CLIP2: variants seen among roughly 807,000 people sequenced by gnomAD.
The protein encoded by CLIP2 is CAP-Gly domain containing linker protein 2.
In CLIP2, 41 loss-of-function variants were observed where a neutral mutation model predicts 111.7. The ratio of observed to expected loss-of-function variants is 0.37; its 90% CI spans 0.29 to 0.48. The LOEUF is 0.48. Ranked by LOEUF, CLIP2 falls within the 20% of genes least tolerant of loss-of-function variation. The probability of loss-of-function intolerance (pLI) is 0.99; values close to 1 mark genes in which losing one functional copy is unlikely to be tolerated. For missense variants in CLIP2, 1,160 were observed against 1,422.1 expected, an observed-to-expected ratio of 0.82 and a Z score of 2.96; for synonymous variants, 660 against 644.2, an observed-to-expected ratio of 1.02 and a Z score of -0.37.
At chr7:74,359,488 G>A (rs1554309294) in intron 6 of CLIP2, among the ~76,000 whole-genome samples, 2 of 151,356 alleles carry the variant, frequency 1.3e-5, no homozygotes, top group African/African-American at 4.8e-5. Flanking sequence ...CAAGTAGCTG[G>A]GACTACAGGA....
Position 74,306,677 on chromosome 7 carries a change from G to A in CLIP2, c.-67-10803G>A, listed in dbSNP as rs111834475. ...GGCATCGGAGGGTGGCACAAAAGGGGGACTGTTGGTCTGAATGCCACCCCG... is the reference window on the plus strand; with the variant it reads ...GGCATCGGAGGGTGGCACAAAAGGGAGACTGTTGGTCTGAATGCCACCCCG... On this transcript the variant is annotated intron_variant, in intron 1 of 16. Transcript: ENST00000223398. 6.7e-3 allele frequency among the ~76,000 whole-genome samples: 1,015 copies of A among 152,280 alleles called. 8 individuals are homozygous for A. The highest frequency in any genetic ancestry group is 0.023 in the African/African-American group (945 of 41,550).
intron 3 of CLIP2, among the ~76,000 whole-genome samples, chr7:74,339,658 T>C (rs1243467656): frequency 6.6e-6 from 1 of 152,168 alleles, no homozygotes; most frequent in Non-Finnish European, 1.5e-5. Context: ...CATTAAAACG[T>C]ATCACTCATT....
Position 74,338,477 on chromosome 7 carries a change from CCCT to C in CLIP2, c.160_162del (p.Ser54del), listed in dbSNP as rs782124701. The C allele has an allele frequency of 1.4e-4, 222 of 1,612,724 alleles. No homozygotes were observed. The African/African-American group carries it at 2.7e-3, about 20-fold the overall frequency. On this transcript the variant is annotated inframe_deletion, in exon 3 of 17. Transcript: ENST00000223398. The surrounding 1 kb of genome is among the most constrained non-coding windows in gnomAD (Gnocchi z 4.3). ...CCCACTGCACAAACAGTCATCTGGA[CCCT>C]CCTCCTCCCCGGCCGCAGCTGCTGC...
intron 8 of CLIP2, among the ~76,000 whole-genome samples, chr7:74,369,854 C>CAG (rs1790558886): frequency 2.1e-4 from 2 of 9,504 alleles, no homozygotes; most frequent in Non-Finnish European, 4.2e-4. Flanking sequence ...GACTCTGCCT[C>CAG]AAAAAAAAAA....
intron 1 of CLIP2, among the ~76,000 whole-genome samples, chr7:74,291,264 CT>C (rs1788009647): frequency 6.6e-6 from 1 of 152,104 alleles, no homozygotes; most frequent in African/African-American, 2.4e-5. Flanking sequence ...CCACACACAC[CT>C]GTGTGCACCT....
chr7:74,344,179 T>G (rs1789740515), intron 3 of CLIP2, among the ~76,000 whole-genome samples: 1 of 152,182 alleles, frequency 6.6e-6, no homozygotes, highest in Non-Finnish European at 1.5e-5. Context: ...TGACCATCTC[T>G]GGGTGTGGTG....
intron 5 of CLIP2, 134 bp downstream of exon 5, chr7:74,356,757 T>C: frequency 1.3e-6 from 1 of 796,856 alleles, no homozygotes; most frequent in Non-Finnish European, 2.0e-6. Flanking sequence ...AAGAAGAAAG[T>C]GCATATCTTT....
At chr7:74,372,401 T>TGGC (rs797027650) in intron 8 of CLIP2, among the ~76,000 whole-genome samples, 1 of 13,414 alleles carries the variant, frequency 7.5e-5, no homozygotes, top group Non-Finnish European at 1.4e-4. Context: ...AGCACAGGCC[T>TGGC]TGGGGGGGGG....
chr7:74,375,845 G>A, intron 9 of CLIP2, 42 bp from the exon 10 acceptor site: 1 of 1,456,892 alleles, frequency 6.9e-7, no homozygotes. Context: ...CTTCCAGCCA[G>A]CCAGCCAGCC....
chr7:74,399,815 C>T (rs1433405889), intron 14 of CLIP2, among the ~76,000 whole-genome samples: 1 of 151,268 alleles, frequency 6.6e-6, no homozygotes, highest in East Asian at 2.0e-4. Flanking sequence ...GCTGGGATTA[C>T]AGGCGTGAGC....
At chr7:74,291,965 C>G (rs1554725452) in intron 1 of CLIP2, among the ~76,000 whole-genome samples, 4 of 143,018 alleles carry the variant, frequency 2.8e-5, no homozygotes, top group Non-Finnish European at 1.5e-5. Context: ...ACTCTTGTTG[C>G]CCAGACTTGA....
chr7:74,327,833 C>T (rs1310739528), intron 2 of CLIP2, among the ~76,000 whole-genome samples: 6 of 152,182 alleles, frequency 3.9e-5, no homozygotes, highest in South Asian at 2.1e-4. Flanking sequence ...GGCCTGGCCA[C>T]GGGCTTCTCC....
At chr7:74,384,594 C>T (rs1469775861) in intron 11 of CLIP2, among the ~76,000 whole-genome samples, 9 of 151,474 alleles carry the variant, frequency 5.9e-5, no homozygotes, top group African/African-American at 2.2e-4. Flanking sequence ...TAAAGGTGTG[C>T]GCCATCACGC....
intron 13 of CLIP2, among the ~76,000 whole-genome samples, chr7:74,390,993 G>A (rs1225604554): frequency 3.3e-5 from 5 of 151,938 alleles, no homozygotes; most frequent in African/African-American, 1.2e-4. Context: ...AGGTTGCAGT[G>A]AGCCGAGATT....
At chr7:74,400,908 G>A (rs1347408156) in intron 15 of CLIP2, among the ~76,000 whole-genome samples, 2 of 134,858 alleles carry the variant, frequency 1.5e-5, no homozygotes, top group African/African-American at 5.7e-5. Flanking sequence ...TGTCCCAGAA[G>A]CCCCCGGTCT....
Position 74,359,411 on chromosome 7 carries a change from T to C in CLIP2, c.1216-764T>C, listed in dbSNP as rs565091691. On this transcript the variant is annotated intron_variant, in intron 6 of 16. Transcript: ENST00000223398. ...CTCTGTCGCCCAGGCTGGAGTGCAG[T>C]AGTGTGATCTTGGCTCACTGCAAGC... Among the ~76,000 whole-genome samples the C allele has an allele frequency of 2.0e-4, 30 of 149,372 alleles. 1 individual carries two copies. In the South Asian group the frequency reaches 6.2e-3, roughly 31 times the overall value.
intron 1 of CLIP2, among the ~76,000 whole-genome samples, chr7:74,313,508 C>T (rs928218720): frequency 2.7e-5 from 4 of 150,336 alleles, no homozygotes; most frequent in Admixed American, 1.3e-4. Flanking sequence ...TGCAGTGAGC[C>T]GAGATTGCGC....
intron 1 of CLIP2, among the ~76,000 whole-genome samples, chr7:74,315,310 GC>G (rs1788742119): frequency 6.6e-6 from 1 of 151,660 alleles, no homozygotes; most frequent in Admixed American, 6.6e-5. Flanking sequence ...AAGACACAAA[GC>G]TTTTGATTCT....
intron 3 of CLIP2, among the ~76,000 whole-genome samples, chr7:74,341,458 C>T (rs369450044): frequency 2.8e-4 from 42 of 152,048 alleles, no homozygotes; most frequent in Non-Finnish European, 6.2e-4. Context: ...GGATTACAGA[C>T]GTGAGCCACC....
Sources: allele counts gnomAD v4.1 joint callset (sites outside exome capture counted in the v4.1 genomes callset), GRCh38; gene constraint gnomAD v4.1.1; non-coding constraint Gnocchi (gnomAD v3.1); transcripts MANE v1.5; gene names NCBI Gene and HGNC (gene_info 2026-07-23, HGNC 2026-07-21).